The following FMN2 variants were observed in gnomAD, a reference collection of about 807,000 sequenced individuals.
FMN2 encodes the protein formin 2.
Under a neutral mutation model 142.3 loss-of-function variants are expected in FMN2, and 51 were observed. The ratio of observed to expected loss-of-function variants is 0.36; its 90% CI spans 0.29 to 0.45. FMN2 has a LOEUF of 0.45. Among genes scored for constraint, FMN2 ranks in the 20% least tolerant of loss-of-function variants. FMN2 has a pLI of 1.00. For missense variants in FMN2, 1,936 were observed against 2,122.8 expected (o/e 0.91, Z 1.73); for synonymous variants, 882 against 869.8 (o/e 1.01, Z -0.25).
At chr1:240,223,112 G>T (rs1399881933) in intron 6 of FMN2, among the ~76,000 whole-genome samples, 1 of 152,078 alleles carries the variant, frequency 6.6e-6, no homozygotes, top group Non-Finnish European at 1.5e-5. Flanking sequence ...TATGATATTG[G>T]CTGTGGGTTT....
chr1:240,141,354 T>TTATC (rs1663174803), intron 2 of FMN2, among the ~76,000 whole-genome samples: 1 of 151,808 alleles, frequency 6.6e-6, no homozygotes, highest in Non-Finnish European at 1.5e-5. Flanking sequence ...TTTTATTTAT[T>TTATC]TATTTATTTA....
intron 3 of FMN2, chr1:240,179,404 C>T (rs1665059022): frequency 6.6e-6 from 1 of 152,096 alleles, no homozygotes; most frequent in African/African-American, 2.4e-5. Flanking sequence ...CACACTTGAC[C>T]TTGAATCTCC....
intron 3 of FMN2, 32 bp downstream of exon 3, chr1:240,178,100 G>T: frequency 6.5e-7 from 1 of 1,534,006 alleles, no homozygotes; most frequent in Non-Finnish European, 8.7e-7. Context: ...AGAGATAACT[G>T]GAAGAGGCAA....
At chr1:240,241,244 AT>A (rs75842695) in intron 6 of FMN2, among the ~76,000 whole-genome samples, 49,440 of 136,422 alleles carry the variant, frequency 0.36, 8,478 homozygotes, top group Middle Eastern at 0.52. Context: ...TTTTAATTGT[AT>A]TTTTTTTTTT....
At chr1:240,235,408 A>T (rs1572100181) in intron 6 of FMN2, among the ~76,000 whole-genome samples, 1 of 144,702 alleles carries the variant, frequency 6.9e-6, no homozygotes, top group Admixed American at 6.9e-5. Context: ...TAATTTAATT[A>T]ATTTTTTGTT....
intron 14 of FMN2, among the ~76,000 whole-genome samples, chr1:240,367,295 G>A (rs935775402): frequency 6.6e-6 from 1 of 151,982 alleles, no homozygotes; most frequent in Admixed American, 6.6e-5. Flanking sequence ...GAGTTATTAG[G>A]ACATCTTTAT....
intron 15 of FMN2, among the ~76,000 whole-genome samples, chr1:240,397,683 A>G (rs566997992): frequency 1.1e-4 from 17 of 148,922 alleles, no homozygotes; most frequent in Non-Finnish European, 2.2e-4. Flanking sequence ...CCAGCTATTC[A>G]GAAGGCTGAG....
chr1:240,358,703 T>C (rs1672361514), intron 14 of FMN2, among the ~76,000 whole-genome samples: 1 of 152,048 alleles, frequency 6.6e-6, no homozygotes, highest in Non-Finnish European at 1.5e-5. Context: ...CTCCCTATCA[T>C]AAGAACGGCA....
chr1:240,367,767 C>CAAAAA (rs60368715), intron 14 of FMN2, among the ~76,000 whole-genome samples: 6 of 54,020 alleles, frequency 1.1e-4, no homozygotes, highest in East Asian at 4.5e-4. Context: ...GACTCAGTCT[C>CAAAAA]AAAAAAAAAA....
chr1:240,219,678 G>A (rs1274141461), intron 6 of FMN2, among the ~76,000 whole-genome samples: 3 of 150,570 alleles, frequency 2.0e-5, no homozygotes, highest in African/African-American at 7.4e-5. Flanking sequence ...TTTTTGAGAC[G>A]GGGTCTCACT....
chr1:240,417,169 G>A (rs772260318), intron 15 of FMN2, among the ~76,000 whole-genome samples: 36 of 148,416 alleles, frequency 2.4e-4, no homozygotes, highest in Non-Finnish European at 4.8e-4. Flanking sequence ...ACCTGTCTTA[G>A]TAAATATTTG....
chr1:240,412,990 G>C (rs772280846), intron 15 of FMN2, among the ~76,000 whole-genome samples: 3 of 149,800 alleles, frequency 2.0e-5, no homozygotes, highest in Non-Finnish European at 4.5e-5. Flanking sequence ...GGGTGTAGTG[G>C]TGGGCGCCTG....
intron 13 of FMN2, among the ~76,000 whole-genome samples, chr1:240,338,099 C>T (rs535516717): frequency 2.0e-4 from 31 of 152,248 alleles, no homozygotes; most frequent in Admixed American, 1.7e-3. Flanking sequence ...ATTAAGTTAC[C>T]GGAACTGGAT....
intron 1 of FMN2, among the ~76,000 whole-genome samples, chr1:240,113,219 A>G (rs1661882276): frequency 6.6e-6 from 1 of 151,934 alleles, no homozygotes; most frequent in Admixed American, 6.6e-5. Context: ...GTCAGAGGGA[A>G]CCGGGAAGCC....
Position 240,093,623 on chromosome 1 carries a change from G to A in FMN2, c.1514G>A (p.Arg505His). The change falls in exon 1 of 18, where the codon CGC becomes CAC. Residue 505 changes from arginine to histidine, a missense_variant. Physicochemically the swap from Arg to His is conservative, Grantham distance 29. Around this residue, in one of 8 missense-constraint regions of FMN2, gnomAD observed 751 missense variants for 791.8 expected, o/e 0.95. Coordinates refer to ENST00000319653, the MANE Select transcript of FMN2 (RefSeq NM_020066.5). Reference protein sequence around the residue: ...RVGGSAHLLERGVASDSGGGV... With the variant: ...RVGGSAHLLEHGVASDSGGGV... The stretch of plus-strand genomic sequence containing the variant: ...GGAGGCTCCGCGCACCTGCTGGAGC[G>A]CGGGGTGGCGAGTGACAGCGGCGGT... 2 of 1,422,546 alleles carry A rather than the reference G, an allele frequency of 1.4e-6. No individual in the cohort carries two copies. The highest frequency in any genetic ancestry group is 1.8e-6 in the Non-Finnish European group (2 of 1,099,416). The allele number at this position is 1,422,546 out of a possible 1,614,324, so 88.1% of individuals were successfully genotyped here. A position where few individuals can be genotyped will look rare whatever the true frequency, so the allele number is the denominator to read the frequency against.
chr1:240,458,913 A>G (rs1394645184), intron 16 of FMN2: 1 of 152,206 alleles, frequency 6.6e-6, no homozygotes, highest in African/African-American at 2.4e-5. Flanking sequence ...ATAGGACCAA[A>G]GGGCGTATCA....
At chr1:240,268,010 A>G (rs1345668502) in intron 7 of FMN2, among the ~76,000 whole-genome samples, 1 of 152,060 alleles carries the variant, frequency 6.6e-6, no homozygotes, top group Non-Finnish European at 1.5e-5. Context: ...GGCTGTGAGA[A>G]GAGGGAACAC....
intron 4 of FMN2, among the ~76,000 whole-genome samples, chr1:240,205,889 ATCTTTTT>A (rs1478106949): frequency 7.6e-6 from 1 of 132,168 alleles, no homozygotes; most frequent in African/African-American, 3.0e-5. Context: ...GTTATCAGCC[ATCTTTTT>A]TTTTTTTTTT....
intron 2 of FMN2, among the ~76,000 whole-genome samples, chr1:240,147,549 A>G (rs904124028): frequency 2.6e-5 from 4 of 151,954 alleles, no homozygotes; most frequent in African/African-American, 7.3e-5. Flanking sequence ...CTGGAGTGCA[A>G]TGGAACAATC....
Sources: gnomAD v4.1 joint callset for allele counts (sites outside exome capture counted in the v4.1 genomes callset) on GRCh38, gnomAD v4.1.1 for gene constraint, gnomAD v4.1.1 regional missense constraint, MANE v1.5 for transcripts, NCBI Gene and HGNC (gene_info 2026-07-23, HGNC 2026-07-21) for gene names.